Variants in CCZ1B observed in about 807,000 individuals in gnomAD.
The protein encoded by CCZ1B is CCZ1B vacuolar protein trafficking and biogenesis associated.
Under a neutral mutation model 58.8 loss-of-function variants are expected in CCZ1B, and 25 were observed. That is an observed-to-expected ratio of 0.43 (90% CI 0.31 to 0.59). CCZ1B has a LOEUF of 0.59. Ranked by LOEUF, CCZ1B falls within the 20% of genes least tolerant of loss-of-function variation. The pLI, the probability that CCZ1B is intolerant of heterozygous loss-of-function variation, is 0.12. For missense variants in CCZ1B, 180 were observed against 501.5 expected (o/e 0.36, Z 6.12); for synonymous variants, 66 against 173.2 (o/e 0.38, Z 4.86).
At chr7:6,825,313 C>A (rs1444591749) in intron 1 of CCZ1B, among the ~76,000 whole-genome samples, 1 of 146,954 alleles carries the variant, frequency 6.8e-6, no homozygotes, top group Non-Finnish European at 1.5e-5. Context: ...TTACAGCTCA[C>A]CTGCAGCCTC....
intron 8 of CCZ1B, chr7:6,814,536 C>T (rs1451333730): frequency 1.5e-5 from 6 of 407,196 alleles, no homozygotes; most frequent in South Asian, 1.1e-4. Flanking sequence ...AAAACCAACA[C>T]ACAGACACAC....
At position 6,814,430 on chromosome 7, in the gene CCZ1B, G is replaced by A. The variant is rs1216021990; in HGVS notation, c.780+334C>T. ...GGGCGCCTGTAATCCCAGGTACTAG[G>A]GAGGCCGAGGCAAGGAGAATTGCTT... On this transcript the variant is annotated intron_variant, in intron 8 of 14. Transcript: ENST00000316731. 1.3e-5 allele frequency among the ~76,000 whole-genome samples: 2 copies of A among 149,576 alleles called. 1 individual carries two copies. Among genetic ancestry groups the A allele is most frequent in the African/African-American group, 5.0e-5 (2 of 39,622 alleles).
intron 4 of CCZ1B, among the ~76,000 whole-genome samples, chr7:6,823,652 G>A (rs1325883429): frequency 5.9e-5 from 9 of 151,276 alleles, no homozygotes; most frequent in African/African-American, 4.9e-5. Context: ...CTGAGAAGCC[G>A]GGATGACAGG....
In CCZ1B at chr7:6,823,265, T is replaced by C. The variant is rs750866764; in HGVS notation, c.438+48A>G. 50 of 1,600,442 alleles carry C rather than the reference T, an allele frequency of 3.1e-5. 1 individual carries two copies. The South Asian group carries it at 4.8e-4, about 15-fold the overall frequency. ...TTTAAACAACCCTGGAGCCTAGAGATAGGGGTAAGTGGTTGGACTCTGAGT... is the reference window on the plus strand; with the variant it reads ...TTTAAACAACCCTGGAGCCTAGAGACAGGGGTAAGTGGTTGGACTCTGAGT... On this transcript the variant is annotated intron_variant, in intron 5 of 14. Coordinates refer to ENST00000316731, the MANE Select transcript of CCZ1B (RefSeq NM_198097.5).
At position 6,814,846 on chromosome 7, in the gene CCZ1B, C is replaced by T; in HGVS notation, c.699-1G>A. 6.3e-6 allele frequency: 10 copies of T among 1,598,626 alleles called. No homozygotes were observed. Among genetic ancestry groups the T allele is most frequent in the Non-Finnish European group, 8.5e-6 (10 of 1,172,860 alleles). On this transcript the variant is annotated splice_acceptor_variant, in intron 7 of 14. Transcript: ENST00000316731. LOFTEE classifies it high-confidence loss of function. ...CATGTCATCTTGTTCTAATCCACTC[C>T]TGCAACAACAGAAAAGCACTGGGTT...
chr7:6,808,185 C>G (rs1018240677), intron 10 of CCZ1B, among the ~76,000 whole-genome samples: 5 of 126,988 alleles, frequency 3.9e-5, no homozygotes, highest in Non-Finnish European at 6.8e-5. Flanking sequence ...GTGGGGCCAG[C>G]TGTGTCTCTG....
rs192581322 is a variant in CCZ1B, at chr7:6,820,178, G to C, written c.523-237C>G. Among the ~76,000 whole-genome samples the C allele has an allele frequency of 3.3e-5, 5 of 149,360 alleles. 1 individual carries two copies. Among genetic ancestry groups the C allele is most frequent in the African/African-American group, 1.0e-4 (4 of 39,790 alleles). On this transcript the variant is annotated intron_variant, in intron 6 of 14. Transcript: ENST00000316731. ...TGTTTATTCAGTATTGTGTTTTACT[G>C]CTTTAAATTTATTTTTTTGTGACAG... is the stretch of plus-strand genomic sequence containing the variant.
Position 6,824,700 on chromosome 7 carries a change from A to T in CCZ1B, c.158T>A (p.Val53Glu). The change falls in exon 2 of 15, where the codon GTA (valine) becomes GAA (glutamate). Residue 53 changes from valine (V) to glutamate (E), a missense_variant. Physicochemically the swap from Val to Glu is moderately radical, Grantham distance 121. Transcript: ENST00000316731. ...ATTTCTAATCTTCTCATTCTTTTCT[A>T]CCTCATTTGGATGATAAAATAAAAT... ...NKILFYHPNE[V>E]EKNEKIRNVG... is the part of the protein sequence containing the mutation. 1 of 1,605,044 alleles carries T rather than the reference A, an allele frequency of 6.2e-7. No individual in the cohort carries two copies. The highest frequency in any genetic ancestry group is 8.5e-7 in the Non-Finnish European group (1 of 1,177,566).
Position 6,799,342 on chromosome 7 carries a change from T to C in CCZ1B, c.1394-63A>G. Reference sequence around the variant, plus strand: ...GTCACTTAAAAGGTTACATAATATATAATTAAATTCTTCTTGGGTAAAATT... The same window carrying C: ...GTCACTTAAAAGGTTACATAATATACAATTAAATTCTTCTTGGGTAAAATT... On this transcript the variant is annotated intron_variant, in intron 14 of 14. Coordinates refer to ENST00000316731, the MANE Select transcript of CCZ1B (RefSeq NM_198097.5). 7 of 1,029,880 alleles carry C rather than the reference T, an allele frequency of 6.8e-6. 2 individuals are homozygous for C. The highest frequency in any genetic ancestry group is 8.6e-6 in the Non-Finnish European group (7 of 812,860). The allele number at this position is 1,029,880 out of a possible 1,614,324, so 63.8% of individuals were successfully genotyped here.
At position 6,811,913 on chromosome 7, in the gene CCZ1B, C is replaced by T. The variant is rs59074364; in HGVS notation, c.954+39G>A. 1,648 of 1,595,822 alleles carry T rather than the reference C, an allele frequency of 1.0e-3. 182 individuals carry two copies. The African/African-American group carries it at 0.021, about 20-fold the overall frequency. ...GTACACATGCAAGAAAGATCCATTT[C>T]AGCACAATCATTAACGCTGGAAGGA... is the stretch of plus-strand genomic sequence containing the variant. On this transcript the variant is annotated intron_variant, in intron 10 of 14. Transcript: ENST00000316731.
intron 8 of CCZ1B, among the ~76,000 whole-genome samples, chr7:6,814,441 C>T (rs1307273859): frequency 1.3e-5 from 2 of 149,622 alleles, no homozygotes; most frequent in Non-Finnish European, 3.0e-5. Context: ...GAGGCCGAGG[C>T]AAGGAGAATT....
rs1044481901 is a variant in CCZ1B at position 6,817,632 on chromosome 7, T to G, written c.698+2134A>C. 2.7e-5 allele frequency among the ~76,000 whole-genome samples: 4 copies of G among 149,826 alleles called. 1 individual carries two copies. The highest frequency in any genetic ancestry group is 1.0e-4 in the African/African-American group (4 of 39,778). ...CCTACATTTCACAGCAGAATTTCAC[T>G]TTAGTAACATTGTGTACATATCACA... On this transcript the variant is annotated intron_variant, in intron 7 of 14. Coordinates refer to ENST00000316731, the MANE Select transcript of CCZ1B (RefSeq NM_198097.5).
chr7:6,817,905 G>A (rs1783032567), intron 7 of CCZ1B, among the ~76,000 whole-genome samples: 1 of 149,010 alleles, frequency 6.7e-6, no homozygotes, highest in African/African-American at 2.5e-5. Flanking sequence ...TCGGGAGGCT[G>A]AGGCAGGAGA....
chr7:6,822,828 G>T lies in CCZ1B; in HGVS notation c.439-464C>A, dbSNP rs1381195233. ...GCGATCCTCCCACCTCAGCCTCCCA[G>T]GTAGCTGGGACTACAGGCATGCACC... On this transcript the variant is annotated intron_variant, in intron 5 of 14. Coordinates refer to ENST00000316731, the MANE Select transcript of CCZ1B (RefSeq NM_198097.5). Among the ~76,000 whole-genome samples, 5 of 143,008 alleles carry T rather than the reference G, an allele frequency of 3.5e-5. No individual in the cohort carries two copies. In the Admixed American group the frequency reaches 3.6e-4, roughly 10 times the overall value. The allele number at this position is 143,008 out of a possible 152,430, so 93.8% of individuals were successfully genotyped here. A position where few individuals can be genotyped will look rare whatever the true frequency, so the allele number is the denominator to read the frequency against.
chr7:6,820,203 G>C (rs1307368609), intron 6 of CCZ1B, among the ~76,000 whole-genome samples: 1 of 149,384 alleles, frequency 6.7e-6, no homozygotes, highest in Non-Finnish European at 1.5e-5. Flanking sequence ...TTTTGTGACA[G>C]AGTCTTGCTC....
intron 7 of CCZ1B, among the ~76,000 whole-genome samples, chr7:6,816,531 A>G (rs1026442719): frequency 5.3e-5 from 8 of 150,664 alleles, no homozygotes; most frequent in African/African-American, 2.0e-4. Context: ...CATAAGGGTA[A>G]TATATACTCT....
chr7:6,818,616 A>AAAGAAAG (rs755972333), intron 7 of CCZ1B, among the ~76,000 whole-genome samples: 1 of 127,236 alleles, frequency 7.9e-6, no homozygotes, highest in African/African-American at 3.2e-5. Context: ...AGAAAGAAAG[A>AAAGAAAG]CAAGAAAGAA....
intron 9 of CCZ1B, 125 bp downstream of exon 9, chr7:6,812,851 G>C (rs576773329): frequency 2.6e-6 from 4 of 1,529,370 alleles, no homozygotes; most frequent in Non-Finnish European, 3.5e-6. Context: ...ACTTGAGCCC[G>C]GGGAGGCAGA....
intron 5 of CCZ1B, among the ~76,000 whole-genome samples, chr7:6,822,963 C>T (rs946797498): frequency 6.8e-6 from 1 of 146,418 alleles, no homozygotes; most frequent in African/African-American, 2.6e-5. Context: ...ACCTTAGCCT[C>T]CCAGAATGCT....
Sources: gnomAD v4.1 joint callset for allele counts (sites outside exome capture counted in the v4.1 genomes callset) on GRCh38, gnomAD v4.1.1 for gene constraint, MANE v1.5 for transcripts, NCBI Gene and HGNC (gene_info 2026-07-23, HGNC 2026-07-21) for gene names.